Variants in MAML2 observed in about 807,000 individuals in gnomAD.
The protein encoded by MAML2 is mastermind like transcriptional coactivator 2, also known as mastermind-like protein 2.
In MAML2, 22 loss-of-function variants were observed where a neutral mutation model predicts 96.1. That is an observed-to-expected ratio of 0.23 (90% confidence interval 0.16 to 0.33). MAML2 has a LOEUF of 0.33. Ranked by LOEUF, MAML2 falls within the 10% of genes least tolerant of loss-of-function variation. The pLI, the probability that MAML2 is intolerant of heterozygous loss-of-function variation, is 1.00. For missense variants in MAML2, 1,367 were observed against 1,392.4 expected (o/e 0.98, Z 0.29); for synonymous variants, 561 against 521.3 (o/e 1.08, Z -1.04).
At chr11:96,228,145 G>A (rs1219105056) in intron 1 of MAML2, among the ~76,000 whole-genome samples, 1 of 152,118 alleles carries the variant, frequency 6.6e-6, no homozygotes, top group African/African-American at 2.4e-5. Flanking sequence ...CAGGAAGGTG[G>A]GAGAGAAAGT....
At chr11:95,985,232 G>C (rs192975064) in intron 4 of MAML2, among the ~76,000 whole-genome samples, 5 of 152,230 alleles carry the variant, frequency 3.3e-5, no homozygotes, top group African/African-American at 1.2e-4. Flanking sequence ...CTACTACCTG[G>C]GTTAAGGTAT....
rs112431641 is a variant in MAML2 at position 96,228,231 on chromosome 11, G to A, written c.513+113152C>T. Among the ~76,000 whole-genome samples, 687 of 152,240 alleles carry A rather than the reference G, an allele frequency of 4.5e-3. 5 individuals are homozygous for A. Among genetic ancestry groups the A allele is most frequent in the African/African-American group, 0.015 (620 of 41,556 alleles). ...CATCGGGTTTCCAGACATTTTTGCT[G>A]CCTGGCTAACTCCCCATGGCATCAG... On this transcript the variant is annotated intron_variant, in intron 1 of 4. Coordinates refer to ENST00000524717, the MANE Select transcript of MAML2 (RefSeq NM_032427.4).
At chr11:95,992,248 A>G (rs1857925643) in intron 2 of MAML2, among the ~76,000 whole-genome samples, 1 of 152,212 alleles carries the variant, frequency 6.6e-6, no homozygotes, top group South Asian at 2.1e-4. Flanking sequence ...TTATAAACTC[A>G]AACTTGGAAA....
intron 1 of MAML2, among the ~76,000 whole-genome samples, chr11:96,100,590 G>A (rs868817935): frequency 4.6e-5 from 7 of 151,944 alleles, no homozygotes; most frequent in African/African-American, 9.7e-5. Flanking sequence ...GATTACAGGC[G>A]TGAGCCACCA....
chr11:96,216,899 C>T (rs1862058040), intron 1 of MAML2, among the ~76,000 whole-genome samples: 1 of 152,034 alleles, frequency 6.6e-6, no homozygotes, highest in Admixed American at 6.6e-5. Flanking sequence ...AAAGGTTCAC[C>T]AGGAGACAAA....
intron 1 of MAML2, among the ~76,000 whole-genome samples, chr11:96,262,272 A>G (rs1251913411): frequency 6.6e-6 from 1 of 152,168 alleles, no homozygotes; most frequent in African/African-American, 2.4e-5. Context: ...TACTTCTCCA[A>G]ATGTGCTGAT....
At chr11:96,130,852 C>T (rs944027056) in intron 1 of MAML2, among the ~76,000 whole-genome samples, 1 of 151,610 alleles carries the variant, frequency 6.6e-6, no homozygotes, top group Non-Finnish European at 1.5e-5. Flanking sequence ...TAACTTCTAC[C>T]CTTTGTCCTA....
Position 96,158,717 on chromosome 11 carries a change from GC to G in MAML2, c.514-65201del, listed in dbSNP as rs552931616. ...TAGTCTGGGCATTTGCTGCCTGAAG[GC>G]CCCCTAGCTCTTATTAAAATTATTA... On this transcript the variant is annotated intron_variant, in intron 1 of 4. Coordinates refer to ENST00000524717, the MANE Select transcript of MAML2 (RefSeq NM_032427.4). 2.6e-5 allele frequency among the ~76,000 whole-genome samples: 4 copies of G among 152,226 alleles called. No homozygotes were observed. The South Asian group carries it at 8.3e-4, about 32-fold the overall frequency.
intron 1 of MAML2, among the ~76,000 whole-genome samples, chr11:96,279,018 T>C (rs1226688100): frequency 6.6e-6 from 1 of 152,162 alleles, no homozygotes; most frequent in Non-Finnish European, 1.5e-5. Context: ...TGGGTGATTA[T>C]AGAACTGAAA....
At chr11:96,184,444 A>AAATG (rs1407328780) in intron 1 of MAML2, among the ~76,000 whole-genome samples, 4 of 3,586 alleles carry the variant, frequency 1.1e-3, no homozygotes, top group African/African-American at 6.8e-3. Context: ...CATCTCAAAT[A>AAATG]AATAAATAAA....
At chr11:96,227,492 G>GTGAATAAA (rs1355424169) in intron 1 of MAML2, among the ~76,000 whole-genome samples, 3 of 152,122 alleles carry the variant, frequency 2.0e-5, no homozygotes, top group Non-Finnish European at 4.4e-5. Flanking sequence ...CAATATATAT[G>GTGAATAAA]TGAATAAATG....
At chr11:96,341,257 T>C in intron 1 of MAML2, 126 bp downstream of exon 1, 1 of 1,105,460 alleles carries the variant, frequency 9.0e-7, no homozygotes, top group Non-Finnish European at 1.3e-6. Context: ...CAATGGCCTT[T>C]AAGGTAGTCA....
Position 96,006,870 on chromosome 11 carries a change from TATACACACACAC to T in MAML2, c.2140-15159_2140-15148del, listed in dbSNP as rs1238539323. Among the ~76,000 whole-genome samples, 494 of 109,898 alleles carry T rather than the reference TATACACACACAC, an allele frequency of 4.5e-3. 8 individuals are homozygous for T. Among genetic ancestry groups the T allele is most frequent in the East Asian group, 0.021 (64 of 3,022 alleles). The allele number at this position is 109,898 out of a possible 152,430, so 72.1% of individuals were successfully genotyped here. A position where few individuals can be genotyped will look rare whatever the true frequency, so the allele number is the denominator to read the frequency against. On this transcript the variant is annotated intron_variant, in intron 2 of 4. Coordinates refer to ENST00000524717, the MANE Select transcript of MAML2 (RefSeq NM_032427.4). ...CCACCACGCCTGGCCAGGAATATCT[TATACACACACAC>T]ACACACACACACACACACACACACA...
intron 1 of MAML2, among the ~76,000 whole-genome samples, chr11:96,187,537 G>A (rs530536531): frequency 7.0e-4 from 107 of 152,244 alleles, no homozygotes; most frequent in African/African-American, 2.3e-3. Context: ...GGCCGGGTGC[G>A]GTGGCTCACG....
intron 1 of MAML2, among the ~76,000 whole-genome samples, chr11:96,209,997 T>TA (rs1384215975): frequency 2.6e-5 from 4 of 152,252 alleles, no homozygotes; most frequent in African/African-American, 9.6e-5. Flanking sequence ...GTGGTGGATT[T>TA]AGACAATCAG....
chr11:96,233,074 T>C (rs1056619747), intron 1 of MAML2, among the ~76,000 whole-genome samples: 1 of 151,942 alleles, frequency 6.6e-6, no homozygotes, highest in African/African-American at 2.4e-5. Context: ...TTTAAAGCTG[T>C]CACTAATGCA....
At chr11:96,339,542 C>G (rs183860331) in intron 1 of MAML2, among the ~76,000 whole-genome samples, 1 of 152,210 alleles carries the variant, frequency 6.6e-6, no homozygotes, top group Non-Finnish European at 1.5e-5. Flanking sequence ...TTCACGGCCC[C>G]GCTCCGGCCT....
chr11:96,062,827 T>C (rs1859185862), intron 2 of MAML2, among the ~76,000 whole-genome samples: 1 of 152,182 alleles, frequency 6.6e-6, no homozygotes, highest in Non-Finnish European at 1.5e-5. Context: ...CTGAGCCTTC[T>C]TTAACTGTGA....
intron 1 of MAML2, among the ~76,000 whole-genome samples, chr11:96,327,493 T>A (rs2136015435): frequency 6.6e-6 from 1 of 152,236 alleles, no homozygotes; most frequent in East Asian, 1.9e-4. Context: ...AGTGGCACAA[T>A]CTCGGCTCAC....
Sources: gnomAD v4.1 joint callset for allele counts (sites outside exome capture counted in the v4.1 genomes callset) on GRCh38, gnomAD v4.1.1 for gene constraint, MANE v1.5 for transcripts, NCBI Gene and HGNC (gene_info 2026-07-23, HGNC 2026-07-21) for gene names.